The following TMEM163 variants were observed in gnomAD, a reference collection of about 807,000 sequenced individuals.
TMEM163 encodes transmembrane protein 163.
TMEM163 carries 17 observed loss-of-function variants against 29.3 expected under a neutral mutation model. The ratio of observed to expected loss-of-function variants is 0.58; its 90% CI spans 0.40 to 0.87. The LOEUF (loss-of-function observed/expected upper bound fraction) is 0.87, where lower values mean the gene tolerates loss of function less well. Ranked by LOEUF, TMEM163 falls within the 40% of genes least tolerant of loss-of-function variation. TMEM163 has a pLI of 0.00. For missense variants in TMEM163, 303 were observed against 381.5 expected, an observed-to-expected ratio of 0.79 and a Z score of 1.71; for synonymous variants, 157 against 160.6, an observed-to-expected ratio of 0.98 and a Z score of 0.17.
At chr2:134,674,466 C>T (rs1405700370) in intron 2 of TMEM163, among the ~76,000 whole-genome samples, 1 of 149,920 alleles carries the variant, frequency 6.7e-6, no homozygotes, top group African/African-American at 2.5e-5. Flanking sequence ...GCCTCAGCCT[C>T]CCAAGTAGCT....
At chr2:134,459,977 G>A (rs1004997838) in intron 6 of TMEM163, among the ~76,000 whole-genome samples, 1 of 151,872 alleles carries the variant, frequency 6.6e-6, no homozygotes, top group Non-Finnish European at 1.5e-5. Context: ...TCCGCTGCAT[G>A]CTCCGTAGAT....
chr2:134,464,178 C>A (rs7565308), intron 6 of TMEM163, among the ~76,000 whole-genome samples: 1 of 152,018 alleles, frequency 6.6e-6, no homozygotes, highest in Non-Finnish European at 1.5e-5. Flanking sequence ...CTGGTCGGGG[C>A]GACTTTAGGA....
intron 2 of TMEM163, among the ~76,000 whole-genome samples, chr2:134,603,213 G>A (rs537882544): frequency 2.6e-5 from 4 of 152,204 alleles, no homozygotes; most frequent in African/African-American, 9.6e-5. Context: ...TCAAGGACCT[G>A]GGCAGACTAC....
intron 5 of TMEM163, among the ~76,000 whole-genome samples, chr2:134,483,761 C>T (rs1679256308): frequency 6.6e-6 from 1 of 152,150 alleles, no homozygotes; most frequent in Admixed American, 6.5e-5. Flanking sequence ...GTACGACGCT[C>T]TTTTTTTAAA....
intron 4 of TMEM163, among the ~76,000 whole-genome samples, chr2:134,548,804 T>C (rs753413946): frequency 2.0e-5 from 3 of 152,350 alleles, no homozygotes; most frequent in Non-Finnish European, 4.4e-5. Context: ...GAAGGTAATC[T>C]TATACAATAT....
At chr2:134,599,693 CT>C (rs559714595) in intron 2 of TMEM163, among the ~76,000 whole-genome samples, 2,383 of 130,928 alleles carry the variant, frequency 0.018, 43 homozygotes, top group African/African-American at 0.056. Context: ...CCAACTTTAT[CT>C]TTTTTTTTTT....
chr2:134,490,502 G>T (rs1031048888), intron 5 of TMEM163, among the ~76,000 whole-genome samples: 61 of 152,284 alleles, frequency 4.0e-4, no homozygotes, highest in African/African-American at 1.4e-3. Context: ...TTAGAGAAAA[G>T]ATCCTGTGTT....
chr2:134,456,652 T>C lies in TMEM163; in HGVS notation c.*64A>G. The C allele has an allele frequency of 1.3e-6, 2 of 1,571,060 alleles. No homozygotes were observed. Among genetic ancestry groups the C allele is most frequent in the Non-Finnish European group, 1.7e-6 (2 of 1,144,956 alleles). On this transcript the variant is annotated 3_prime_UTR_variant, in exon 8 of 8. Transcript: ENST00000281924. The stretch of plus-strand genomic sequence containing the variant: ...AAGAAACCAGATGTTCAGTTAAATA[T>C]TGGCACCCTTTGCCTATGTGGAAAC...
intron 1 of TMEM163, 128 bp downstream of exon 1, chr2:134,718,606 G>T: frequency 1.6e-6 from 1 of 638,358 alleles, no homozygotes; most frequent in Non-Finnish European, 2.0e-6. Context: ...TTCTCGCCGG[G>T]AAGTCGGGGC....
At chr2:134,568,451 C>T (rs956542690) in intron 2 of TMEM163, among the ~76,000 whole-genome samples, 6 of 151,684 alleles carry the variant, frequency 4.0e-5, no homozygotes, top group Non-Finnish European at 5.9e-5. Context: ...TGCTTGAACC[C>T]GGGAGGTGGA....
chr2:134,514,594 G>A (rs191765841), intron 4 of TMEM163, among the ~76,000 whole-genome samples: 9 of 152,218 alleles, frequency 5.9e-5, no homozygotes, highest in African/African-American at 1.2e-4. Flanking sequence ...TCTATGCTAC[G>A]GTACAGAAGG....
rs145439228 is a variant in TMEM163, at chr2:134,693,750, T to C, written c.322+19450A>G. On this transcript the variant is annotated intron_variant, in intron 2 of 7. Transcript: ENST00000281924. ...ATAGCAGGTCTACTATATTCTCTGT[T>C]GATGACATGACTTAGAAGACACCTC... Among the ~76,000 whole-genome samples, 110 of 152,302 alleles carry C rather than the reference T, an allele frequency of 7.2e-4. 2 individuals carry two copies. The East Asian group carries it at 0.015, about 21-fold the overall frequency.
chr2:134,658,471 G>A (rs568247613), intron 2 of TMEM163, among the ~76,000 whole-genome samples: 3 of 152,218 alleles, frequency 2.0e-5, no homozygotes, highest in East Asian at 3.9e-4. Flanking sequence ...AGATCCTGGT[G>A]TTGTTCTGAG....
chr2:134,693,608 CAAAAAAA>C (rs35183610), intron 2 of TMEM163, among the ~76,000 whole-genome samples: 4 of 66,632 alleles, frequency 6.0e-5, no homozygotes, highest in Non-Finnish European at 8.1e-5. Flanking sequence ...AAAACTACAT[CAAAAAAA>C]AAAAAAAAAA....
chr2:134,693,434 C>T (rs112191447), intron 2 of TMEM163, among the ~76,000 whole-genome samples: 2 of 151,998 alleles, frequency 1.3e-5, no homozygotes, highest in African/African-American at 2.4e-5. Context: ...TGGCGAAACC[C>T]CATCTCTACT....
chr2:134,458,215 A>C (rs1278077923), intron 6 of TMEM163, 42 bp from the exon 7 acceptor site: 1 of 1,608,038 alleles, frequency 6.2e-7, no homozygotes, highest in Admixed American at 1.7e-5. Context: ...AGTGCCAAGC[A>C]ATCCAAGAAA....
At chr2:134,522,461 C>T (rs1446409476) in intron 4 of TMEM163, among the ~76,000 whole-genome samples, 2 of 152,234 alleles carry the variant, frequency 1.3e-5, no homozygotes, top group Non-Finnish European at 2.9e-5. Context: ...GCCATCTTGG[C>T]ACTGACAGCA....
chr2:134,585,796 A>G (rs1681811059), intron 2 of TMEM163, among the ~76,000 whole-genome samples: 1 of 152,212 alleles, frequency 6.6e-6, no homozygotes. Flanking sequence ...TGCTCAATGA[A>G]TGTTAGCTGT....
chr2:134,604,506 A>G (rs1285780540), intron 2 of TMEM163, among the ~76,000 whole-genome samples: 1 of 152,110 alleles, frequency 6.6e-6, no homozygotes, highest in African/African-American at 2.4e-5. Flanking sequence ...GTAAAGAGAT[A>G]AGGAGGGGTC....
Sources: allele counts gnomAD v4.1 joint callset (sites outside exome capture counted in the v4.1 genomes callset), GRCh38; gene constraint gnomAD v4.1.1; transcripts MANE v1.5; gene names NCBI Gene and HGNC (gene_info 2026-07-23, HGNC 2026-07-21).